Variants in GUCA2B observed in about 807,000 individuals in gnomAD.
GUCA2B encodes guanylate cyclase activator 2B.
Under a neutral mutation model 11.1 loss-of-function variants are expected in GUCA2B, and 7 were observed. The observed-to-expected ratio is 0.63, with a 90% CI of 0.36 to 1.18. The LOEUF (loss-of-function observed/expected upper bound fraction) is 1.18. GUCA2B is among the 50% of genes most tolerant of loss of function. The probability of loss-of-function intolerance (pLI) is 0.02; values close to 1 mark genes in which losing one functional copy is unlikely to be tolerated. For missense variants in GUCA2B, 140 were observed against 142.5 expected (o/e 0.98, Z 0.09); for synonymous variants, 69 against 65.3 (o/e 1.06, Z -0.27).
At chr1:42,155,390 C>CT in intron 2 of GUCA2B, 145 bp from the exon 3 acceptor site, 1 of 700,970 alleles carries the variant, frequency 1.4e-6, no homozygotes, top group Non-Finnish European at 2.6e-6. Flanking sequence ...GCATCTGGGA[C>CT]TTGAACCCAA....
At chr1:42,154,144 C>A (rs1413034849) in intron 1 of GUCA2B, among the ~76,000 whole-genome samples, 1 of 152,190 alleles carries the variant, frequency 6.6e-6, no homozygotes, top group Non-Finnish European at 1.5e-5. Flanking sequence ...ATGCTGCTGG[C>A]CTCGCCCAGC....
Position 42,155,565 on chromosome 1 carries a change from G to A in GUCA2B, c.308G>A (p.Cys103Tyr). The A allele has an allele frequency of 3.1e-6, 5 of 1,614,136 alleles. No individual in the cohort carries two copies. Among genetic ancestry groups the A allele is most frequent in the Non-Finnish European group, 4.2e-6 (5 of 1,179,954 alleles). The change falls in exon 3 of 3, where the codon TGT becomes TAT. Residue 103 changes from cysteine to tyrosine, a missense_variant. By Grantham distance (194) the Cys-to-Tyr change is radical. Coordinates refer to ENST00000372581, the MANE Select transcript of GUCA2B (RefSeq NM_007102.3). Reference protein sequence around the residue: ...RTIANDDCELCVNVACTGCL With the variant: ...RTIANDDCELYVNVACTGCL ...ATCGCTAACGACGACTGTGAGCTGT[G>A]TGTGAACGTTGCGTGTACCGGCTGC...
rs1337905775 is a variant in GUCA2B, at chr1:42,154,873, G to GCC, written c.277+11_277+12dup. The GCC allele has an allele frequency of 7.5e-6, 12 of 1,602,286 alleles. No individual in the cohort carries two copies. Among genetic ancestry groups the GCC allele is most frequent in the Non-Finnish European group, 1.0e-5 (12 of 1,172,128 alleles). ...AGCATCTTCAAGACCCTGAGTAAGT[G>GCC]CCCCCGCTCCCTGCAGAACCTCGCT... On this transcript the variant is annotated splice_region_variant and intron_variant, in intron 2 of 2. Coordinates refer to ENST00000372581, the MANE Select transcript of GUCA2B (RefSeq NM_007102.3).
chr1:42,155,643 G>T lies in GUCA2B; in HGVS notation c.*47G>T. ...CCCACCAGGGACACCTCGCCCTTCA[G>T]CCCACCACCCTGGCAGGCTTCCATC... is the stretch of plus-strand genomic sequence containing the variant. On this transcript the variant is annotated 3_prime_UTR_variant, in exon 3 of 3. Coordinates refer to ENST00000372581, the MANE Select transcript of GUCA2B (RefSeq NM_007102.3). 1 of 1,429,188 alleles carries T rather than the reference G, an allele frequency of 7.0e-7. No individual in the cohort carries two copies. The highest frequency in any genetic ancestry group is 9.9e-7 in the Non-Finnish European group (1 of 1,010,942). The allele number at this position is 1,429,188 out of a possible 1,614,324, so 88.5% of individuals were successfully genotyped here. A position where few individuals can be genotyped will look rare whatever the true frequency, so the allele number is the denominator to read the frequency against.
intron 2 of GUCA2B, among the ~76,000 whole-genome samples, 187 bp downstream of exon 2, chr1:42,155,053 G>T (rs928696709): frequency 6.6e-6 from 1 of 152,222 alleles, no homozygotes; most frequent in East Asian, 1.9e-4. Flanking sequence ...CCTGGAACCT[G>T]CTTCGTCCCC....
At position 42,155,604 on chromosome 1, in the gene GUCA2B, C is replaced by T. The variant is rs2124013989; in HGVS notation, c.*8C>T. On this transcript the variant is annotated 3_prime_UTR_variant, in exon 3 of 3. Coordinates refer to ENST00000372581, the MANE Select transcript of GUCA2B (RefSeq NM_007102.3). ...TGTACCGGCTGCCTCTGAGATAGCC[C>T]TGGGTACCCTGAGCCCACCAGGGAC... is the stretch of plus-strand genomic sequence containing the variant. The T allele has an allele frequency of 6.2e-7, 1 of 1,608,320 alleles. No homozygotes were observed. The highest frequency in any genetic ancestry group is 1.1e-5 in the South Asian group (1 of 90,964).
Position 42,155,578 on chromosome 1 carries a change from GTGTACCGGCTGCC to G in GUCA2B, c.323_335del (p.Cys108SerfsTer65). On this transcript the variant is annotated frameshift_variant, in exon 3 of 3. Transcript: ENST00000372581. LOFTEE classifies it high-confidence loss of function. ...ACTGTGAGCTGTGTGTGAACGTTGC[GTGTACCGGCTGCC>G]TCTGAGATAGCCCTGGGTACCCTGA... The G allele has an allele frequency of 6.2e-7, 1 of 1,613,932 alleles. No homozygotes were observed. Among genetic ancestry groups the G allele is most frequent in the Non-Finnish European group, 8.5e-7 (1 of 1,179,792 alleles).
At chr1:42,154,911 A>C in intron 2 of GUCA2B, 45 bp downstream of exon 2, 2 of 1,460,260 alleles carry the variant, frequency 1.4e-6, no homozygotes, top group South Asian at 1.2e-5. Context: ...GTCTCCTCCC[A>C]CGCCCAGGCT....
rs573920586 is a variant in GUCA2B, at chr1:42,154,132, G to A, written c.91-548G>A. On this transcript the variant is annotated intron_variant, in intron 1 of 2. Coordinates refer to ENST00000372581, the MANE Select transcript of GUCA2B (RefSeq NM_007102.3). ...CAGGGCCTGTCTGCCACGTCACAGG[G>A]GATGCTGCTGGCCTCGCCCAGCATA... 6.6e-5 allele frequency among the ~76,000 whole-genome samples: 10 copies of A among 152,310 alleles called. No individual in the cohort carries two copies. In the East Asian group the frequency reaches 1.5e-3, roughly 24 times the overall value.
At chr1:42,154,056 G>T (rs57302534) in intron 1 of GUCA2B, among the ~76,000 whole-genome samples, 1 of 152,200 alleles carries the variant, frequency 6.6e-6, no homozygotes, top group Non-Finnish European at 1.5e-5. Context: ...AGACTATGGG[G>T]GTTCCAGTGC....
chr1:42,155,085 C>A (rs886162623), intron 2 of GUCA2B, among the ~76,000 whole-genome samples: 1 of 152,206 alleles, frequency 6.6e-6, no homozygotes, highest in Non-Finnish European at 1.5e-5. Flanking sequence ...CAGGCACAGA[C>A]CCATCAACAG....
intron 1 of GUCA2B, 87 bp downstream of exon 1, chr1:42,153,627 G>T (rs1445745084): frequency 1.5e-5 from 15 of 983,782 alleles, no homozygotes; most frequent in Non-Finnish European, 2.2e-5. Context: ...AATTCAGAGG[G>T]GCACCGGGGG....
chr1:42,155,551 C>T lies in GUCA2B; in HGVS notation c.294C>T (p.Asp98=), dbSNP rs370998972. Residue 98 remains aspartate, a synonymous_variant, in exon 3 of 3, where the codon GAC becomes GAT. Coordinates refer to ENST00000372581, the MANE Select transcript of GUCA2B (RefSeq NM_007102.3). ...CCTGCCCAGGGACCATCGCTAACGA[C>T]GACTGTGAGCTGTGTGTGAACGTTG... is the stretch of plus-strand genomic sequence containing the variant. The part of the protein sequence containing the change: ...IFKTLRTIAN[D]DCELCVNVAC... 6.7e-5 allele frequency: 108 copies of T among 1,613,822 alleles called. No homozygotes were observed. The highest frequency in any genetic ancestry group is 8.4e-5 in the Non-Finnish European group (99 of 1,179,830).
rs538631184 is a variant in GUCA2B, at chr1:42,155,708, A to T, written c.*112A>T. 2.4e-6 allele frequency: 2 copies of T among 832,862 alleles called. No homozygotes were observed. Among genetic ancestry groups the T allele is most frequent in the African/African-American group, 3.3e-5 (2 of 60,242 alleles). 51.6% of individuals were successfully genotyped at this position (832,862 alleles called of 1,614,324 possible). ...AGATGGGTCCCTGGCCACCATGGTC[A>T]TCACCACCCTTCCAGGGCCTGAGCA... On this transcript the variant is annotated 3_prime_UTR_variant, in exon 3 of 3. Transcript: ENST00000372581.
At chr1:42,154,565 G>A in intron 1 of GUCA2B, 115 bp from the exon 2 acceptor site, 1 of 831,364 alleles carries the variant, frequency 1.2e-6, no homozygotes, top group Non-Finnish European at 2.0e-6. Flanking sequence ...ACTTCCCATA[G>A]AGACGGGGAA....
chr1:42,153,856 A>T (rs181216779), intron 1 of GUCA2B, among the ~76,000 whole-genome samples: 1 of 152,256 alleles, frequency 6.6e-6, no homozygotes, highest in African/African-American at 2.4e-5. Context: ...AGGGAAGGAG[A>T]CACCCTGTTA....
Position 42,155,621 on chromosome 1 carries a change from A to G in GUCA2B, c.*25A>G. On this transcript the variant is annotated 3_prime_UTR_variant, in exon 3 of 3. Coordinates refer to ENST00000372581, the MANE Select transcript of GUCA2B (RefSeq NM_007102.3). ...AGATAGCCCTGGGTACCCTGAGCCC[A>G]CCAGGGACACCTCGCCCTTCAGCCC... 1 of 1,565,796 alleles carries G rather than the reference A, an allele frequency of 6.4e-7. No individual in the cohort carries two copies. The highest frequency in any genetic ancestry group is 8.8e-7 in the Non-Finnish European group (1 of 1,135,834).
intron 1 of GUCA2B, 138 bp from the exon 2 acceptor site, chr1:42,154,542 A>C: frequency 1.4e-6 from 1 of 706,672 alleles, no homozygotes; most frequent in Non-Finnish European, 2.5e-6. Context: ...GGCTCTTTCC[A>C]GTGTGGCCCT....
intron 1 of GUCA2B, 134 bp from the exon 2 acceptor site, chr1:42,154,546 T>C: frequency 1.4e-6 from 1 of 720,386 alleles, no homozygotes; most frequent in South Asian, 1.7e-5. Context: ...CTTTCCAGTG[T>C]GGCCCTGGAC....
Sources: gnomAD v4.1 joint callset for allele counts (sites outside exome capture counted in the v4.1 genomes callset) on GRCh38, gnomAD v4.1.1 for gene constraint, MANE v1.5 for transcripts, NCBI Gene and HGNC (gene_info 2026-07-23, HGNC 2026-07-21) for gene names.